The following SPOCK1 variants were observed in gnomAD, a reference collection of about 807,000 sequenced individuals.
SPOCK1 encodes the protein testican-1.
In SPOCK1, 23 loss-of-function variants were observed where a neutral mutation model predicts 55.3. That is an observed-to-expected ratio of 0.42 (90% CI 0.30 to 0.59). The LOEUF (loss-of-function observed/expected upper bound fraction) is 0.59, where lower values mean the gene tolerates loss of function less well. SPOCK1 is among the 20% of genes least tolerant of loss of function. SPOCK1 has a pLI of 0.22. For synonymous variants in SPOCK1, 226 were observed against 221.0 expected (o/e 1.02, Z -0.20); for missense variants, 499 against 552.5 (o/e 0.90, Z 0.97).
At chr5:137,408,704 AT>A (rs1388367332) in intron 2 of SPOCK1, among the ~76,000 whole-genome samples, 1 of 151,984 alleles carries the variant, frequency 6.6e-6, no homozygotes, top group African/African-American at 2.4e-5. Context: ...CCTGCAGCTC[AT>A]TTTCTAATGT....
At chr5:137,331,008 T>C (rs952213601) in intron 2 of SPOCK1, among the ~76,000 whole-genome samples, 4 of 152,224 alleles carry the variant, frequency 2.6e-5, no homozygotes, top group Admixed American at 2.6e-4. Flanking sequence ...CCAAAAGCCA[T>C]GTAATCAGCA....
At chr5:137,486,129 T>C (rs189711126) in intron 2 of SPOCK1, among the ~76,000 whole-genome samples, 1 of 152,350 alleles carries the variant, frequency 6.6e-6, no homozygotes, top group Admixed American at 6.5e-5. Flanking sequence ...TCAGCATTTA[T>C]GCACACACAA....
At chr5:137,197,804 A>C (rs1004823008) in intron 3 of SPOCK1, among the ~76,000 whole-genome samples, 3 of 152,196 alleles carry the variant, frequency 2.0e-5, no homozygotes, top group Admixed American at 6.5e-5. Flanking sequence ...TACATTTACT[A>C]AATGGCTATG....
chr5:137,452,309 T>C (rs1753271159), intron 2 of SPOCK1, among the ~76,000 whole-genome samples: 1 of 152,230 alleles, frequency 6.6e-6, no homozygotes. Context: ...TGTATTTTTA[T>C]ACCAATTCTG....
intron 3 of SPOCK1, among the ~76,000 whole-genome samples, chr5:137,163,045 C>T (rs1021588547): frequency 2.0e-5 from 3 of 152,160 alleles, no homozygotes; most frequent in Admixed American, 2.0e-4. Flanking sequence ...GGCCTCATAC[C>T]CCTAGCCCAG....
intron 2 of SPOCK1, among the ~76,000 whole-genome samples, chr5:137,428,514 C>T (rs1752680753): frequency 6.6e-6 from 1 of 152,172 alleles, no homozygotes; most frequent in Admixed American, 6.5e-5. Context: ...AACTTCCTTT[C>T]ACTGTTTGTG....
intron 2 of SPOCK1, among the ~76,000 whole-genome samples, chr5:137,424,733 G>T (rs1257722621): frequency 6.6e-6 from 1 of 152,190 alleles, no homozygotes; most frequent in African/African-American, 2.4e-5. Flanking sequence ...AGGGAAAGAA[G>T]CCAGACACTA....
chr5:137,195,310 A>G (rs941651847), intron 3 of SPOCK1, among the ~76,000 whole-genome samples: 25 of 152,224 alleles, frequency 1.6e-4, no homozygotes, highest in African/African-American at 5.5e-4. Flanking sequence ...GGCTTCCAGG[A>G]AGGCCTCTCT....
intron 2 of SPOCK1, among the ~76,000 whole-genome samples, chr5:137,341,373 G>A (rs1040241932): frequency 5.9e-5 from 9 of 152,198 alleles, no homozygotes; most frequent in Non-Finnish European, 1.3e-4. Flanking sequence ...AGAAAATCCA[G>A]CAAATCGAAC....
rs559967926 is a variant in SPOCK1 at position 137,300,268 on chromosome 5, G to A, written c.187-33213C>T. On this transcript the variant is annotated intron_variant, in intron 2 of 10. Transcript: ENST00000394945. ...TTTCTGCTCAGAATCCCCAATTTGC[G>A]TATTATGTCTCCATTTCCTTTAGGT... Among the ~76,000 whole-genome samples, 14 of 152,064 alleles carry A rather than the reference G, an allele frequency of 9.2e-5. No individual in the cohort carries two copies. The East Asian group carries it at 1.2e-3, about 13-fold the overall frequency.
At chr5:137,096,886 T>G (rs1454995869) in intron 5 of SPOCK1, among the ~76,000 whole-genome samples, 1 of 152,204 alleles carries the variant, frequency 6.6e-6, no homozygotes. Context: ...CTGTCTGGAC[T>G]CTATGAGTCA....
chr5:137,375,107 T>C (rs1406650725), intron 2 of SPOCK1, among the ~76,000 whole-genome samples: 1 of 152,146 alleles, frequency 6.6e-6, no homozygotes, highest in East Asian at 1.9e-4. Context: ...ATCATTGGAA[T>C]AAACGATGGC....
chr5:137,232,816 C>T (rs994976331), intron 3 of SPOCK1, among the ~76,000 whole-genome samples: 4 of 152,226 alleles, frequency 2.6e-5, no homozygotes, highest in Admixed American at 6.5e-5. Context: ...AATCCATTAA[C>T]GAGATATGTC....
At chr5:137,194,501 G>A (rs1755259902) in intron 3 of SPOCK1, among the ~76,000 whole-genome samples, 1 of 152,134 alleles carries the variant, frequency 6.6e-6, no homozygotes, top group Non-Finnish European at 1.5e-5. Context: ...CTGAGGGTGG[G>A]GGGCCAGGCA....
At position 137,443,237 on chromosome 5, in the gene SPOCK1, G is replaced by A. The variant is rs968221594; in HGVS notation, c.186+55136C>T. ...TGCAGATTTACAAAGTGAGGGACCT[G>A]GAGTTCTCAGCATAGTATGTGAATC... On this transcript the variant is annotated intron_variant, in intron 2 of 10. Coordinates refer to ENST00000394945, the MANE Select transcript of SPOCK1 (RefSeq NM_004598.4). Among the ~76,000 whole-genome samples, 5 of 152,256 alleles carry A rather than the reference G, an allele frequency of 3.3e-5. No homozygotes were observed. In the South Asian group the frequency reaches 1.0e-3, roughly 32 times the overall value.
chr5:137,066,963 T>TACACACACACAC (rs147918575), intron 6 of SPOCK1, among the ~76,000 whole-genome samples: 1,278 of 126,258 alleles, frequency 0.01, 14 homozygotes, highest in Middle Eastern at 0.034. Flanking sequence ...AACATAAGCA[T>TACACACACACAC]ACACACACAC....
At chr5:137,035,692 G>A (rs13355329) in intron 6 of SPOCK1, among the ~76,000 whole-genome samples, 8,218 of 152,216 alleles carry the variant, frequency 0.054, 663 homozygotes, top group African/African-American at 0.17. Flanking sequence ...ATGAATCATA[G>A]CCAGCCTTTG....
intron 5 of SPOCK1, among the ~76,000 whole-genome samples, chr5:137,111,768 T>C (rs1753479588): frequency 1.3e-5 from 2 of 152,160 alleles, no homozygotes. Context: ...AAGAGGCTTT[T>C]CCTCATCTTT....
intron 4 of SPOCK1, among the ~76,000 whole-genome samples, chr5:137,122,391 T>TA (rs1420964250): frequency 6.6e-6 from 1 of 152,238 alleles, no homozygotes; most frequent in Non-Finnish European, 1.5e-5. Flanking sequence ...GAGCTTTTTT[T>TA]ATTCCCTTAG....
Sources: allele counts gnomAD v4.1 joint callset (sites outside exome capture counted in the v4.1 genomes callset), GRCh38; gene constraint gnomAD v4.1.1; transcripts MANE v1.5; gene names NCBI Gene and HGNC (gene_info 2026-07-23, HGNC 2026-07-21).